The following MICU2 variants were observed in gnomAD, a reference collection of about 807,000 sequenced individuals.
The protein encoded by MICU2 is calcium uptake protein 2, mitochondrial.
Under a neutral mutation model 60.4 loss-of-function variants are expected in MICU2, and 64 were observed. That is an observed-to-expected ratio of 1.06 (90% CI 0.87 to 1.31). The LOEUF (loss-of-function observed/expected upper bound fraction) is 1.31, where lower values mean the gene tolerates loss of function less well. Ranked by LOEUF, MICU2 falls within the 50% of genes most tolerant of loss-of-function variation. The pLI is 0.00. For missense variants in MICU2, 569 were observed against 531.0 expected (o/e 1.07, Z -0.70); for synonymous variants, 201 against 175.0 (o/e 1.15, Z -1.17).
rs1885903306 is a variant in MICU2 at position 21,493,187 on chromosome 13, TC to T, written c.*61del. On this transcript the variant is annotated 3_prime_UTR_variant, in exon 12 of 12. Transcript: ENST00000382374. ...CTTAAGAAGATAAATAGCAAGTACT[TC>T]TAAAAAATCACAAATTTTGACATTT... 1.8e-6 allele frequency: 2 copies of T among 1,096,102 alleles called. No individual in the cohort carries two copies. The highest frequency in any genetic ancestry group is 2.6e-6 in the Non-Finnish European group (2 of 764,428). 67.9% of individuals were successfully genotyped at this position (1,096,102 alleles called of 1,614,324 possible). A position where few individuals can be genotyped will look rare whatever the true frequency, so the allele number is the denominator to read the frequency against.
chr13:21,504,637 C>T (rs1391733944), intron 8 of MICU2, among the ~76,000 whole-genome samples: 3 of 152,090 alleles, frequency 2.0e-5, no homozygotes, highest in East Asian at 3.9e-4. Flanking sequence ...ATAAGGCTGC[C>T]AGACACATTG....
At chr13:21,543,047 A>C (rs1887321964) in intron 2 of MICU2, among the ~76,000 whole-genome samples, 1 of 152,222 alleles carries the variant, frequency 6.6e-6, no homozygotes, top group South Asian at 2.1e-4. Context: ...TAACTTTTTC[A>C]TAAATATATG....
In MICU2 at chr13:21,576,096, C is replaced by T. The variant is rs560422684; in HGVS notation, c.211-9152G>A. ...CAAACATTTAGCAAATGTGTATGTT[C>T]CACGAGGATAAATTTAAGTATTTTT... On this transcript the variant is annotated intron_variant, in intron 1 of 11. Transcript: ENST00000382374. 1.6e-3 allele frequency among the ~76,000 whole-genome samples: 247 copies of T among 152,276 alleles called. 1 individual carries two copies. The highest frequency in any genetic ancestry group is 5.8e-3 in the African/African-American group (241 of 41,542).
At chr13:21,502,352 C>T (rs2315545) in intron 9 of MICU2, among the ~76,000 whole-genome samples, 46,758 of 151,870 alleles carry the variant, frequency 0.31, 8,480 homozygotes, top group South Asian at 0.41. Context: ...TGAAACCTCA[C>T]CACTGTACAT....
At chr13:21,596,337 C>G (rs1031495214) in intron 1 of MICU2, among the ~76,000 whole-genome samples, 5 of 152,048 alleles carry the variant, frequency 3.3e-5, no homozygotes, top group African/African-American at 1.2e-4. Flanking sequence ...CACTTCCCCC[C>G]ACATTTCCTT....
rs1424738020 is a variant in MICU2, at chr13:21,566,848, A to G, written c.307T>C (p.Tyr103His). 2 of 1,612,484 alleles carry G rather than the reference A, an allele frequency of 1.2e-6. No homozygotes were observed. Among genetic ancestry groups the G allele is most frequent in the African/African-American group, 1.3e-5 (1 of 74,862 alleles). Residue 103 changes from tyrosine (Y) to histidine (H), a missense_variant, in exon 2 of 12, where the codon TAT becomes CAT. Transcript: ENST00000382374. ...FSSLEHEGEYYMTPRDFLFSV... is the reference protein window; with the variant it reads ...FSSLEHEGEYHMTPRDFLFSV... ...AAGAGGAAGTCTCGTGGTGTCATAT[A>G]ATATTCTCCTTCATGTTCGAGTGAA...
rs138361207 is a variant in MICU2, at chr13:21,509,056, C to G, written c.761+948G>C. Among the ~76,000 whole-genome samples, 245 of 152,306 alleles carry G rather than the reference C, an allele frequency of 1.6e-3. 1 individual carries two copies. The highest frequency in any genetic ancestry group is 5.5e-3 in the African/African-American group (228 of 41,582). On this transcript the variant is annotated intron_variant, in intron 8 of 11. Coordinates refer to ENST00000382374, the MANE Select transcript of MICU2 (RefSeq NM_152726.3). Reference sequence around the variant, plus strand: ...CAATAAATCTTTATTAAACTAGATTCAGCTGAATAAGATGCAGGTCTCCTG... The same window carrying G: ...CAATAAATCTTTATTAAACTAGATTGAGCTGAATAAGATGCAGGTCTCCTG...
intron 6 of MICU2, among the ~76,000 whole-genome samples, chr13:21,514,823 A>G (rs905714740): frequency 6.6e-6 from 1 of 151,772 alleles, no homozygotes; most frequent in Non-Finnish European, 1.5e-5. Flanking sequence ...TACAGGTGTG[A>G]GCCACCACCT....
chr13:21,531,524 A>T (rs1323561979), intron 4 of MICU2, among the ~76,000 whole-genome samples: 2 of 152,218 alleles, frequency 1.3e-5, no homozygotes, highest in Non-Finnish European at 2.9e-5. Context: ...CTTCTAAAGC[A>T]AAGTCACTGG....
intron 1 of MICU2, among the ~76,000 whole-genome samples, chr13:21,568,883 C>T (rs1234276638): frequency 6.6e-6 from 1 of 151,628 alleles, no homozygotes; most frequent in Non-Finnish European, 1.5e-5. Flanking sequence ...CCCACAAACT[C>T]CTCTATCTTA....
intron 1 of MICU2, among the ~76,000 whole-genome samples, chr13:21,581,106 C>T (rs182335817): frequency 6.6e-6 from 1 of 152,154 alleles, no homozygotes; most frequent in African/African-American, 2.4e-5. Context: ...AAGTTTAGAT[C>T]TAGCCTTTGA....
chr13:21,506,056 ACT>A (rs1485495110), intron 8 of MICU2, among the ~76,000 whole-genome samples: 2 of 147,986 alleles, frequency 1.4e-5, no homozygotes, highest in African/African-American at 2.5e-5. Context: ...ACAGGGTCTC[ACT>A]CTGTTGCCTA....
chr13:21,512,701 C>T (rs535056545), intron 7 of MICU2, among the ~76,000 whole-genome samples: 12 of 152,136 alleles, frequency 7.9e-5, no homozygotes, highest in East Asian at 1.9e-4. Context: ...TGCCCACCTC[C>T]GCCTCCCAAA....
intron 4 of MICU2, chr13:21,530,920 C>A: frequency 1.3e-6 from 1 of 760,880 alleles, no homozygotes. Context: ...TCTAGTGCTG[C>A]AGAATGTTGG....
At chr13:21,515,539 T>C (rs748327800) in intron 6 of MICU2, 1 of 440,668 alleles carries the variant, frequency 2.3e-6, no homozygotes, top group South Asian at 1.6e-5. Context: ...CCTACCTGCC[T>C]TTCAGAATCA....
chr13:21,589,246 G>C (rs543686658), intron 1 of MICU2, among the ~76,000 whole-genome samples: 2 of 152,266 alleles, frequency 1.3e-5, no homozygotes, highest in South Asian at 4.1e-4. Context: ...AAGTGGTTTG[G>C]TAAATGGAAA....
chr13:21,504,369 TCCTTTC>T (rs1444315595), intron 8 of MICU2, among the ~76,000 whole-genome samples: 1 of 152,056 alleles, frequency 6.6e-6, no homozygotes, highest in African/African-American at 2.4e-5. Context: ...ACTAACTTGT[TCCTTTC>T]CCTTTTTTCT....
chr13:21,590,612 C>G (rs1351298867), intron 1 of MICU2, among the ~76,000 whole-genome samples: 1 of 152,222 alleles, frequency 6.6e-6, no homozygotes, highest in Non-Finnish European at 1.5e-5. Flanking sequence ...CGTGGTGGCT[C>G]ACGCCTGTAA....
chr13:21,502,531 C>T (rs182503450), intron 9 of MICU2, among the ~76,000 whole-genome samples: 100 of 152,190 alleles, frequency 6.6e-4, no homozygotes, highest in South Asian at 4.2e-3. Flanking sequence ...ATTGTTTCTA[C>T]GGTTTTTCTA....
Sources: gnomAD v4.1 joint callset for allele counts (sites outside exome capture counted in the v4.1 genomes callset) on GRCh38, gnomAD v4.1.1 for gene constraint, MANE v1.5 for transcripts, NCBI Gene and HGNC (gene_info 2026-07-23, HGNC 2026-07-21) for gene names.